CSMD3: variants seen among roughly 807,000 people sequenced by gnomAD.
CSMD3 encodes CUB and sushi domain-containing protein 3.
A neutral mutation model predicts 435.2 loss-of-function variants in CSMD3; 177 were observed. The ratio of observed to expected loss-of-function variants is 0.41; its 90% CI spans 0.36 to 0.46. CSMD3 has a LOEUF of 0.46. CSMD3 is among the 20% of genes least tolerant of loss of function. The pLI, the probability that CSMD3 is intolerant of heterozygous loss-of-function variation, is 0.34. For synonymous variants in CSMD3, 1,656 were observed against 1,520.5 expected (o/e 1.09, Z -2.07); for missense variants, 4,265 against 4,504.6 (o/e 0.95, Z 1.52).
chr8:112,715,213 A>T (rs2076697775), intron 13 of CSMD3, among the ~76,000 whole-genome samples: 1 of 152,188 alleles, frequency 6.6e-6, no homozygotes, highest in Admixed American at 6.6e-5. Context: ...AGAATCAAAT[A>T]GACACAATAA....
At chr8:113,180,387 C>A (rs1451732699) in intron 3 of CSMD3, among the ~76,000 whole-genome samples, 1 of 151,954 alleles carries the variant, frequency 6.6e-6, no homozygotes, top group Admixed American at 6.6e-5. Context: ...TCAGTTTGAG[C>A]AAACATTTTA....
At chr8:112,288,813 A>T (rs1819481839) in intron 57 of CSMD3, among the ~76,000 whole-genome samples, 1 of 152,104 alleles carries the variant, frequency 6.6e-6, no homozygotes, top group South Asian at 2.1e-4. Flanking sequence ...TTATGCAAAG[A>T]TAACTCTAAG....
chr8:112,400,486 A>T (rs1428777771), intron 35 of CSMD3, among the ~76,000 whole-genome samples: 1 of 152,172 alleles, frequency 6.6e-6, no homozygotes, highest in Non-Finnish European at 1.5e-5. Context: ...AAGACTCCTG[A>T]TGGATGCAGT....
chr8:112,563,701 C>A (rs1354216070), intron 24 of CSMD3, among the ~76,000 whole-genome samples: 1 of 151,834 alleles, frequency 6.6e-6, no homozygotes, highest in Non-Finnish European at 1.5e-5. Context: ...TTAGATATTG[C>A]CAAATTAATC....
intron 6 of CSMD3, among the ~76,000 whole-genome samples, chr8:112,978,377 C>T (rs1182700766): frequency 1.3e-5 from 2 of 151,852 alleles, no homozygotes; most frequent in African/African-American, 4.8e-5. Flanking sequence ...TATGAACAGG[C>T]TTAGGGGGCT....
intron 38 of CSMD3, among the ~76,000 whole-genome samples, chr8:112,363,373 AT>A (rs1827445288): frequency 6.6e-6 from 1 of 151,966 alleles, no homozygotes; most frequent in Non-Finnish European, 1.5e-5. Context: ...CGAAGGGTAT[AT>A]TTCTGTTTAA....
intron 24 of CSMD3, among the ~76,000 whole-genome samples, chr8:112,562,213 T>A (rs185821951): frequency 2.7e-3 from 403 of 151,844 alleles, no homozygotes; most frequent in African/African-American, 9.3e-3. Context: ...AATTTGTTTA[T>A]GAGTAACTAT....
intron 70 of CSMD3, among the ~76,000 whole-genome samples, chr8:112,227,200 A>C (rs1269502225): frequency 6.6e-6 from 1 of 152,226 alleles, no homozygotes; most frequent in Non-Finnish European, 1.5e-5. Flanking sequence ...GAATGGACAC[A>C]TTCATCCATA....
intron 2 of CSMD3, among the ~76,000 whole-genome samples, chr8:113,300,454 T>C (rs546589924): frequency 8.5e-5 from 13 of 152,290 alleles, no homozygotes; most frequent in African/African-American, 3.1e-4. Context: ...GCATCAACAG[T>C]TATGTGGTTA....
At chr8:113,426,387 C>A (rs2094635766) in intron 1 of CSMD3, among the ~76,000 whole-genome samples, 1 of 150,504 alleles carries the variant, frequency 6.6e-6, no homozygotes, top group Non-Finnish European at 1.5e-5. Context: ...TGGGTGTATC[C>A]ATTATGTGGT....
chr8:112,933,600 T>C (rs963691814), intron 9 of CSMD3, among the ~76,000 whole-genome samples: 1 of 152,190 alleles, frequency 6.6e-6, no homozygotes, highest in Non-Finnish European at 1.5e-5. Flanking sequence ...AAGGGTTCTA[T>C]ATAACGATTT....
chr8:113,436,266 G>T (rs1317274812), intron 1 of CSMD3, among the ~76,000 whole-genome samples: 1 of 152,156 alleles, frequency 6.6e-6, no homozygotes, highest in African/African-American at 2.4e-5. Flanking sequence ...CCCTGAAAGG[G>T]TTAAAAAGCA....
chr8:112,812,766 AG>A (rs2079262821), intron 12 of CSMD3, among the ~76,000 whole-genome samples: 1 of 152,194 alleles, frequency 6.6e-6, no homozygotes, highest in South Asian at 2.1e-4. Flanking sequence ...GTTTATTTAC[AG>A]GCTGAGTAAC....
intron 61 of CSMD3, among the ~76,000 whole-genome samples, chr8:112,259,589 T>TAATA (rs1010901777): frequency 6.6e-6 from 1 of 152,030 alleles, no homozygotes; most frequent in Non-Finnish European, 1.5e-5. Flanking sequence ...TAAAGTATAA[T>TAATA]AATAAATAAA....
intron 13 of CSMD3, among the ~76,000 whole-genome samples, chr8:112,771,526 G>A (rs1247997793): frequency 1.3e-5 from 2 of 151,876 alleles, no homozygotes; most frequent in Non-Finnish European, 2.9e-5. Flanking sequence ...GTGACAGAGT[G>A]AGACTCTGTC....
chr8:113,394,191 CA>C (rs1001708484), intron 1 of CSMD3, among the ~76,000 whole-genome samples: 2 of 150,670 alleles, frequency 1.3e-5, no homozygotes, highest in Non-Finnish European at 3.0e-5. Context: ...CACACACACA[CA>C]AGGGGTTTAA....
At chr8:112,360,793 A>G (rs537607048) in intron 38 of CSMD3, among the ~76,000 whole-genome samples, 1 of 152,122 alleles carries the variant, frequency 6.6e-6, no homozygotes, top group African/African-American at 2.4e-5. Context: ...GAGATCAATC[A>G]GCAACTGATT....
intron 3 of CSMD3, among the ~76,000 whole-genome samples, chr8:113,206,927 G>A (rs772963541): frequency 1.3e-5 from 2 of 152,056 alleles, no homozygotes; most frequent in Non-Finnish European, 2.9e-5. Context: ...AGTTTCTGCT[G>A]ATGTTAATAT....
At chr8:112,413,728 C>T (rs1811603501) in intron 32 of CSMD3, among the ~76,000 whole-genome samples, 1 of 152,142 alleles carries the variant, frequency 6.6e-6, no homozygotes, top group Non-Finnish European at 1.5e-5. Flanking sequence ...GCTCCCTTTT[C>T]CACTAAACTC....
Sources: gnomAD v4.1 joint callset for allele counts (sites outside exome capture counted in the v4.1 genomes callset) on GRCh38, gnomAD v4.1.1 for gene constraint, MANE v1.5 for transcripts, NCBI Gene and HGNC (gene_info 2026-07-23, HGNC 2026-07-21) for gene names.